PPME1: variants seen among roughly 807,000 people sequenced by gnomAD.
PPME1 encodes the protein protein phosphatase methylesterase 1.
PPME1 carries 17 observed loss-of-function variants against 56.9 expected under a neutral mutation model. The ratio of observed to expected loss-of-function variants is 0.30; its 90% CI spans 0.20 to 0.45. The LOEUF (loss-of-function observed/expected upper bound fraction) is 0.45, where lower values mean the gene tolerates loss of function less well. PPME1 is among the 20% of genes least tolerant of loss of function. The pLI is 1.00. For missense variants in PPME1, 357 were observed against 483.2 expected (o/e 0.74, Z 2.45); for synonymous variants, 122 against 156.2 (o/e 0.78, Z 1.63).
intron 3 of PPME1, among the ~76,000 whole-genome samples, chr11:74,214,669 A>G (rs1054900468): frequency 1.3e-5 from 2 of 150,266 alleles, no homozygotes; most frequent in Non-Finnish European, 2.9e-5. Flanking sequence ...GTGGCATAAC[A>G]TATTTAAAAT....
At chr11:74,194,863 A>AATATGGG (rs1857939122) in intron 1 of PPME1, among the ~76,000 whole-genome samples, 1 of 152,206 alleles carries the variant, frequency 6.6e-6, no homozygotes, top group African/African-American at 2.4e-5. Flanking sequence ...CAACAAGAAA[A>AATATGGG]ATATGGGATA....
At chr11:74,223,384 A>T (rs1228717666) in intron 4 of PPME1, among the ~76,000 whole-genome samples, 1 of 149,480 alleles carries the variant, frequency 6.7e-6, no homozygotes, top group Non-Finnish European at 1.5e-5. Context: ...GCTATTGTGA[A>T]TAATGCCGCA....
intron 1 of PPME1, among the ~76,000 whole-genome samples, chr11:74,172,244 GAGA>G (rs745900458): frequency 8.5e-5 from 13 of 152,218 alleles, no homozygotes; most frequent in South Asian, 2.1e-4. Context: ...ATAAGGGAGA[GAGA>G]AGAAGGAGAG....
At chr11:74,226,072 A>C (rs1858925514) in intron 5 of PPME1, among the ~76,000 whole-genome samples, 1 of 152,220 alleles carries the variant, frequency 6.6e-6, no homozygotes, top group Non-Finnish European at 1.5e-5. Context: ...AAACTGATGT[A>C]GGCAACAATT....
intron 5 of PPME1, among the ~76,000 whole-genome samples, chr11:74,226,097 T>G (rs960536707): frequency 2.6e-5 from 4 of 152,214 alleles, no homozygotes; most frequent in Admixed American, 6.5e-5. Flanking sequence ...TATTATTATT[T>G]TTTCACTGTC....
chr11:74,204,532 C>T (rs182820315), intron 3 of PPME1, 87 bp downstream of exon 3: 1 of 1,156,716 alleles, frequency 8.6e-7, no homozygotes, highest in African/African-American at 1.5e-5. Context: ...TTAACACATT[C>T]TATTTGGGAA....
rs1228354456 is a variant in PPME1, at chr11:74,230,520, TTA to T, written c.553+125_553+126del. The T allele has an allele frequency of 8.3e-7, 1 of 1,199,858 alleles. No individual in the cohort carries two copies. Among genetic ancestry groups the T allele is most frequent in the Non-Finnish European group, 1.2e-6 (1 of 848,058 alleles). 74.3% of individuals were successfully genotyped at this position (1,199,858 alleles called of 1,614,324 possible). A position where few individuals can be genotyped will look rare whatever the true frequency, so the allele number is the denominator to read the frequency against. On this transcript the variant is annotated intron_variant, in intron 6 of 13. Transcript: ENST00000328257. This position sits in a 1 kb window ranked among gnomAD's most constrained non-coding sequence, Gnocchi z 4.9. Reference sequence around the variant, plus strand: ...CATCTTGAAATATGTCCCTCTGTCTTTATATCTTTTTTAAGTTTATACAAGAT... The same window carrying T: ...CATCTTGAAATATGTCCCTCTGTCTTTATCTTTTTTAAGTTTATACAAGAT...
At chr11:74,225,860 A>G (rs894518500) in intron 5 of PPME1, among the ~76,000 whole-genome samples, 1 of 152,182 alleles carries the variant, frequency 6.6e-6, no homozygotes, top group Admixed American at 6.5e-5. Context: ...ATATTTTGGT[A>G]AAGCTCTGTG....
rs80171343 is a variant in PPME1 at position 74,176,591 on chromosome 11, C to T, written c.101+5069C>T. ...GAACATTTTCATCCTCCCATAAACT[C>T]GTTACTCATTAGCATCTTCCCTTCC... On this transcript the variant is annotated intron_variant, in intron 1 of 13. Coordinates refer to ENST00000328257, the MANE Select transcript of PPME1 (RefSeq NM_016147.3). Among the ~76,000 whole-genome samples the T allele has an allele frequency of 3.5e-3, 530 of 152,140 alleles. 5 individuals are homozygous for T. Among genetic ancestry groups the T allele is most frequent in the African/African-American group, 0.012 (502 of 41,516 alleles).
chr11:74,228,732 GAAC>G (rs1858992462), intron 5 of PPME1, among the ~76,000 whole-genome samples: 1 of 152,168 alleles, frequency 6.6e-6, no homozygotes, highest in East Asian at 1.9e-4. Flanking sequence ...GATTAATACA[GAAC>G]CTTCTAGACA....
intron 3 of PPME1, among the ~76,000 whole-genome samples, chr11:74,210,215 T>C (rs1204929697): frequency 6.6e-6 from 1 of 152,188 alleles, no homozygotes; most frequent in Admixed American, 6.5e-5. Context: ...GAAAATATTA[T>C]CAGTATGATT....
chr11:74,217,483 A>C (rs947541321), intron 3 of PPME1, among the ~76,000 whole-genome samples: 1 of 148,002 alleles, frequency 6.8e-6, no homozygotes, highest in African/African-American at 2.5e-5. Flanking sequence ...TGGAGGTTGC[A>C]GTAAGCCAGG....
chr11:74,194,157 C>G (rs762302173), intron 1 of PPME1, among the ~76,000 whole-genome samples: 2 of 151,860 alleles, frequency 1.3e-5, no homozygotes, highest in Non-Finnish European at 2.9e-5. Flanking sequence ...TCTCCCTTCT[C>G]AATGCTAAGT....
intron 3 of PPME1, among the ~76,000 whole-genome samples, chr11:74,213,260 T>C (rs887027031): frequency 2.0e-5 from 3 of 151,988 alleles, no homozygotes; most frequent in Non-Finnish European, 4.4e-5. Flanking sequence ...GTGGAAAGGA[T>C]AGGGAAGAGT....
rs1859175326 is a variant in PPME1 at position 74,235,773 on chromosome 11, T to C, written c.645-128T>C. 11 of 1,441,540 alleles carry C rather than the reference T, an allele frequency of 7.6e-6. No homozygotes were observed. The South Asian group carries it at 1.5e-4, about 20-fold the overall frequency. The allele number at this position is 1,441,540 out of a possible 1,614,324, so 89.3% of individuals were successfully genotyped here. ...TGAGTAATAGTGGCAATCTCTATAG[T>C]AAGAAACACTGGTGATCACTACTTT... is the stretch of plus-strand genomic sequence containing the variant. On this transcript the variant is annotated intron_variant, in intron 7 of 13. Transcript: ENST00000328257.
intron 3 of PPME1, among the ~76,000 whole-genome samples, chr11:74,217,541 C>CAAAAAA (rs61139169): frequency 1.0e-4 from 8 of 79,028 alleles, no homozygotes; most frequent in Admixed American, 1.6e-4. Flanking sequence ...GACTCCGTCT[C>CAAAAAA]AAAAAAAAAA....
At chr11:74,225,438 C>T (rs368315760) in intron 5 of PPME1, among the ~76,000 whole-genome samples, 182 bp downstream of exon 5, 11 of 152,126 alleles carry the variant, frequency 7.2e-5, no homozygotes, top group Admixed American at 1.3e-4. Context: ...AAGAAACCTG[C>T]GTCTTTCTTG....
At chr11:74,218,355 A>G (rs1326976886) in intron 3 of PPME1, among the ~76,000 whole-genome samples, 2 of 152,186 alleles carry the variant, frequency 1.3e-5, no homozygotes, top group Non-Finnish European at 2.9e-5. Context: ...ATGCAACACA[A>G]TCCTATCAAA....
intron 3 of PPME1, among the ~76,000 whole-genome samples, chr11:74,217,794 T>C (rs1858694886): frequency 6.6e-6 from 1 of 151,644 alleles, no homozygotes; most frequent in Non-Finnish European, 1.5e-5. Context: ...ATAAAAGCCA[T>C]ATACAATAGA....
Sources: gnomAD v4.1 joint callset for allele counts (sites outside exome capture counted in the v4.1 genomes callset) on GRCh38, gnomAD v4.1.1 for gene constraint, Gnocchi (gnomAD v3.1) non-coding constraint, MANE v1.5 for transcripts, NCBI Gene and HGNC (gene_info 2026-07-23, HGNC 2026-07-21) for gene names.